Variants in TDRD6 observed in about 807,000 individuals in gnomAD.
TDRD6 encodes the protein tudor domain-containing protein 6.
Under a neutral mutation model 157.5 loss-of-function variants are expected in TDRD6, and 186 were observed. The observed-to-expected ratio is 1.18, with a 90% confidence interval of 1.05 to 1.33. The LOEUF (loss-of-function observed/expected upper bound fraction) is 1.33, where lower values mean the gene tolerates loss of function less well. TDRD6 is among the 40% of genes most tolerant of loss of function. The pLI is 0.00. For synonymous variants in TDRD6, 1,075 were observed against 945.2 expected, an observed-to-expected ratio of 1.14 and a Z score of -2.52; for missense variants, 3,066 against 2,508.0, an observed-to-expected ratio of 1.22 and a Z score of -4.75.
In TDRD6 at chr6:46,691,421, G is replaced by A; in HGVS notation, c.3293G>A (p.Cys1098Tyr). The change falls in exon 1 of 4, where the codon TGT (cysteine) becomes TAT (tyrosine). Residue 1098 changes from cysteine (C) to tyrosine (Y), a missense_variant. Coordinates refer to ENST00000316081, the MANE Select transcript of TDRD6 (RefSeq NM_001010870.3). ...VLLLPMQAVR[C>Y]SLSDIPDHIP... ...CTTTTGCCCATGCAAGCTGTCAGAT[G>A]TTCATTATCTGATATTCCTGATCAT... The A allele has an allele frequency of 6.2e-7, 1 of 1,614,062 alleles. No homozygotes were observed. Among genetic ancestry groups the A allele is most frequent in the Non-Finnish European group, 8.5e-7 (1 of 1,179,956 alleles).
rs574209668 is a variant in TDRD6 at position 46,690,279 on chromosome 6, A to G, written c.2151A>G (p.Thr717=). ...AAGCCAAGAGAGAGAATAAAACCAC[A>G]TCTGTTTCAAAAGCTTTGAGTGACA... is the stretch of plus-strand genomic sequence containing the variant. ...EQKAKRENKT[T]SVSKALSDTT... Residue 717 remains threonine, a synonymous_variant, in exon 1 of 4, where the codon ACA becomes ACG. Coordinates refer to ENST00000316081, the MANE Select transcript of TDRD6 (RefSeq NM_001010870.3). The G allele has an allele frequency of 1.1e-5, 18 of 1,613,658 alleles. No homozygotes were observed. The African/African-American group carries it at 1.6e-4, about 14-fold the overall frequency.
chr6:46,688,136 C>T lies in TDRD6; in HGVS notation c.8C>T (p.Ser3Leu), dbSNP rs757004214. 2.6e-6 allele frequency: 4 copies of T among 1,535,452 alleles called. No individual in the cohort carries two copies. Among genetic ancestry groups the T allele is most frequent in the African/African-American group, 1.4e-5 (1 of 71,470 alleles). MC[S>L]TPGMPAPGAS... ...CCGCGCCGCGCCGTCAAGATGTGCT[C>T]GACGCCCGGAATGCCGGCGCCGGGG... The change falls in exon 1 of 4, where the codon TCG (serine) becomes TTG (leucine). Residue 3 changes from serine (S) to leucine (L), a missense_variant. Transcript: ENST00000316081.
chr6:46,685,673 G>C (rs1271729688), upstream of TDRD6, among the ~76,000 whole-genome samples: 1 of 151,876 alleles, frequency 6.6e-6, no homozygotes, highest in Non-Finnish European at 1.5e-5. Flanking sequence ...GTAGATGATG[G>C]GTTGATGGGT....
In TDRD6 at chr6:46,690,165, A is replaced by G. The variant is rs762155973; in HGVS notation, c.2037A>G (p.Val679=). ...TTGAAACAAAGGAAAATATCCTGGT[A>G]AATGCCCACTCCCCAGGGCATGTTT... ...QEFETKENIL[V]NAHSPGHVSN... The change falls in exon 1 of 4, where the codon GTA becomes GTG. Residue 679 remains valine (V), a synonymous_variant. Transcript: ENST00000316081. 9 of 1,613,586 alleles carry G rather than the reference A, an allele frequency of 5.6e-6. No homozygotes were observed. The East Asian group carries it at 2.0e-4, about 36-fold the overall frequency.
In TDRD6 at chr6:46,703,239, G is replaced by A. The variant is rs1047460329; in HGVS notation, c.*1352G>A. ...CTGTGAAGCATTATCAGACTCTGAAGCCTAATGGAAATAGAATTATGAACC... is the reference window on the plus strand; with the variant it reads ...CTGTGAAGCATTATCAGACTCTGAAACCTAATGGAAATAGAATTATGAACC... On this transcript the variant is annotated 3_prime_UTR_variant, in exon 4 of 4. Transcript: ENST00000316081. 2 of 151,960 alleles carry A rather than the reference G, an allele frequency of 1.3e-5. No individual in the cohort carries two copies. Among genetic ancestry groups the A allele is most frequent in the East Asian group, 3.9e-4 (2 of 5,180 alleles). 9.4% of individuals were successfully genotyped at this position (151,960 alleles called of 1,614,324 possible).
rs1253640701 is a variant in TDRD6, at chr6:46,702,881, A to G, written c.*994A>G. On this transcript the variant is annotated 3_prime_UTR_variant, in exon 4 of 4. Coordinates refer to ENST00000316081, the MANE Select transcript of TDRD6 (RefSeq NM_001010870.3). ...TTTGATCTTCATCTGTAAAGTGGTG[A>G]TAATAAAACCTTTCTTGCAGTGTTT... 1 of 152,132 alleles carries G rather than the reference A, an allele frequency of 6.6e-6. No homozygotes were observed. Among genetic ancestry groups the G allele is most frequent in the Non-Finnish European group, 1.5e-5 (1 of 67,982 alleles). The allele number at this position is 152,132 out of a possible 1,614,324, so 9.4% of individuals were successfully genotyped here. A position where few individuals can be genotyped will look rare whatever the true frequency, so the allele number is the denominator to read the frequency against.
chr6:46,687,866 C>T (rs13196132), upstream of TDRD6: 153,876 of 437,574 alleles, frequency 0.35, 28,661 homozygotes, highest in South Asian at 0.6. Context: ...GAAGTGGCGG[C>T]GCCGAGTGAG....
At chr6:46,680,332 A>G in the TDRD6 span, among the ~76,000 whole-genome samples, 1 of 149,202 alleles carries the variant, frequency 6.7e-6, no homozygotes, top group Non-Finnish European at 1.5e-5. Flanking sequence ...CCGTGAAAGA[A>G]AAAAAAAAAA....
chr6:46,703,708 T>C lies in TDRD6; in HGVS notation c.*1821T>C, dbSNP rs971018648. On this transcript the variant is annotated 3_prime_UTR_variant, in exon 4 of 4. Transcript: ENST00000316081. ...TAATCGTGTTATTCTGTTTTACTAC[T>C]ACATATAGAATTGAAAACATTAAAT... The C allele has an allele frequency of 3.9e-5, 6 of 152,104 alleles. No homozygotes were observed. The highest frequency in any genetic ancestry group is 9.7e-5 in the African/African-American group (4 of 41,444). The allele number at this position is 152,104 out of a possible 1,614,324, so 9.4% of individuals were successfully genotyped here.
rs1764179738 is a variant in TDRD6 at position 46,688,419 on chromosome 6, C to T, written c.291C>T (p.Phe97=). Residue 97 remains phenylalanine, a synonymous_variant, in exon 1 of 4, where the codon TTC becomes TTT. Transcript: ENST00000316081. The part of the protein sequence containing the change: ...VSRQAQESRV[F]LLDEGRTITA... ...GGCAGGCACAGGAGAGCCGTGTCTTCCTGCTGGACGAGGGCCGCACCATCA... is the reference window on the plus strand; with the variant it reads ...GGCAGGCACAGGAGAGCCGTGTCTTTCTGCTGGACGAGGGCCGCACCATCA... 2 of 1,540,244 alleles carry T rather than the reference C, an allele frequency of 1.3e-6. No individual in the cohort carries two copies. The highest frequency in any genetic ancestry group is 1.7e-6 in the Non-Finnish European group (2 of 1,145,902).
At position 46,691,758 on chromosome 6, in the gene TDRD6, A is replaced by G; in HGVS notation, c.3630A>G (p.Glu1210=). Residue 1210 remains glutamate, a synonymous_variant, in exon 1 of 4, where the codon GAA becomes GAG. Coordinates refer to ENST00000316081, the MANE Select transcript of TDRD6 (RefSeq NM_001010870.3). The part of the protein sequence containing the change: ...GYKLPNKEIL[E]ESYKPQINSS... ...AGTTACCTAATAAAGAAATTTTGGA[A>G]GAGTCATATAAACCTCAGATCAACT... 6.3e-7 allele frequency: 1 copy of G among 1,592,548 alleles called. No homozygotes were observed. Among genetic ancestry groups the G allele is most frequent in the South Asian group, 1.2e-5 (1 of 86,796 alleles).
chr6:46,688,330 T>C lies in TDRD6; in HGVS notation c.202T>C (p.Ser68Pro), dbSNP rs1374669626. Residue 68 changes from serine to proline, a missense_variant, in exon 1 of 4, where the codon TCG becomes CCG. Transcript: ENST00000316081. Reference sequence around the variant, plus strand: ...GTGGGCGCTGGGCAGCGCCTCGGCCTCGCCCGGCGAGCTGTGCCTGGTGCA... The same window carrying C: ...GTGGGCGCTGGGCAGCGCCTCGGCCCCGCCCGGCGAGCTGTGCCTGGTGCA... ...GQWALGSASA[S>P]PGELCLVQVG... is the part of the protein sequence containing the mutation. The C allele has an allele frequency of 6.6e-7, 1 of 1,524,860 alleles. No individual in the cohort carries two copies. Among genetic ancestry groups the C allele is most frequent in the Non-Finnish European group, 8.8e-7 (1 of 1,141,038 alleles). 94.5% of individuals were successfully genotyped at this position (1,524,860 alleles called of 1,614,324 possible). A position where few individuals can be genotyped will look rare whatever the true frequency, so the allele number is the denominator to read the frequency against.
chr6:46,694,201 T>G, intron 1 of TDRD6, 27 bp downstream of exon 1: 1 of 34,386 alleles, frequency 2.9e-5, no homozygotes, highest in Non-Finnish European at 4.3e-5. Flanking sequence ...TCCTTTTTAC[T>G]TTTTTTTTTT....
Position 46,689,665 on chromosome 6 carries a change from T to G in TDRD6, c.1537T>G (p.Phe513Val). The change falls in exon 1 of 4, where the codon TTC becomes GTC. Residue 513 changes from phenylalanine (F) to valine (V), a missense_variant. Physicochemically the swap from Phe to Val is conservative, Grantham distance 50 (BLOSUM62 -1). Coordinates refer to ENST00000316081, the MANE Select transcript of TDRD6 (RefSeq NM_001010870.3). Reference protein sequence around the residue: ...WIRLRKHNVTFSKLMRRMCGF... With the variant: ...WIRLRKHNVTVSKLMRRMCGF... Reference sequence around the variant, plus strand: ...TAGGTTGAGGAAACACAATGTCACCTTCAGTAAGCTGATGAGGAGAATGTG... The same window carrying G: ...TAGGTTGAGGAAACACAATGTCACCGTCAGTAAGCTGATGAGGAGAATGTG... 2 of 1,614,214 alleles carry G rather than the reference T, an allele frequency of 1.2e-6. No individual in the cohort carries two copies. The highest frequency in any genetic ancestry group is 1.7e-6 in the Non-Finnish European group (2 of 1,180,026).
In TDRD6 at chr6:46,689,197, A is replaced by C; in HGVS notation, c.1069A>C (p.Ser357Arg). ...DYGRKELVSC[S>R]SLRYLLPEYF... ...TGGAAGGAAGGAGTTAGTGAGTTGC[A>C]GCAGCCTTCGGTACTTGCTGCCTGA... Residue 357 changes from serine to arginine, a missense_variant, in exon 1 of 4, where the codon AGC (serine) becomes CGC (arginine). Transcript: ENST00000316081. 1 of 1,614,222 alleles carries C rather than the reference A, an allele frequency of 6.2e-7. No homozygotes were observed. The highest frequency in any genetic ancestry group is 8.5e-7 in the Non-Finnish European group (1 of 1,180,034).
In TDRD6 at chr6:46,689,769, G is replaced by A; in HGVS notation, c.1641G>A (p.Trp547Ter). 1 of 1,614,218 alleles carries A rather than the reference G, an allele frequency of 6.2e-7. No homozygotes were observed. Among genetic ancestry groups the A allele is most frequent in the Non-Finnish European group, 8.5e-7 (1 of 1,180,044 alleles). Residue 547 changes from tryptophan (W) to a stop codon, truncating the protein, a stop_gained, in exon 1 of 4, where the codon TGG becomes TGA. Coordinates refer to ENST00000316081, the MANE Select transcript of TDRD6 (RefSeq NM_001010870.3). LOFTEE classifies it high-confidence loss of function. ...CTGATGACCTTTGCTGTGTCAAGTGGAAAGAAAATGGTTATTATAGGGCCA... is the reference window on the plus strand; with the variant it reads ...CTGATGACCTTTGCTGTGTCAAGTGAAAAGAAAATGGTTATTATAGGGCCA... Reference protein sequence around the residue: ...PEPDDLCCVKWKENGYYRAIV... With the variant: ...PEPDDLCCVK
Position 46,694,163 on chromosome 6 carries a change from A to C in TDRD6, c.6035A>C (p.Asp2012Ala), listed in dbSNP as rs147664901. The change falls in exon 1 of 4, where the codon GAT becomes GCT. Residue 2012 changes from aspartate (D) to alanine (A), a missense_variant. Transcript: ENST00000316081. ...DGSKHNNGLPDHISAQLQNTY... is the reference protein window; with the variant it reads ...DGSKHNNGLPAHISAQLQNTY... ...AGCAAGCACAATAATGGTTTACCAG[A>C]TCATATCTCAGGTATGTGAATTTTT... The C allele has an allele frequency of 6.5e-7, 1 of 1,532,360 alleles. No homozygotes were observed. The highest frequency in any genetic ancestry group is 8.7e-7 in the Non-Finnish European group (1 of 1,143,558). The allele number at this position is 1,532,360 out of a possible 1,614,324, so 94.9% of individuals were successfully genotyped here. A position where few individuals can be genotyped will look rare whatever the true frequency, so the allele number is the denominator to read the frequency against.
Position 46,693,912 on chromosome 6 carries a change from T to G in TDRD6, c.5784T>G (p.Ser1928Arg). The change falls in exon 1 of 4, where the codon AGT becomes AGG. Residue 1928 changes from serine (S) to arginine (R), a missense_variant. Ser to Arg is a moderately radical substitution (Grantham distance 110, BLOSUM62 -1). Coordinates refer to ENST00000316081, the MANE Select transcript of TDRD6 (RefSeq NM_001010870.3). ...TGGATCCTTTGTCTTTAGGAGTTAGTCAGAAAGCACAGGAATCCATGTGTA... is the reference window on the plus strand; with the variant it reads ...TGGATCCTTTGTCTTTAGGAGTTAGGCAGAAAGCACAGGAATCCATGTGTA... The part of the protein sequence containing the change: ...DKMDPLSLGV[S>R]QKAQESMCTE... 1 of 1,614,106 alleles carries G rather than the reference T, an allele frequency of 6.2e-7. No homozygotes were observed.
Position 46,694,006 on chromosome 6 carries a change from C to T in TDRD6, c.5878C>T (p.His1960Tyr). The stretch of plus-strand genomic sequence containing the variant: ...CCAGCGCAGGATGTCATTGCATCTA[C>T]ATGGAGCAGATTGTGATCCTAAAAC... ...DDQRRMSLHL[H>Y]GADCDPKTQN... Residue 1960 changes from histidine (H) to tyrosine (Y), a missense_variant, in exon 1 of 4, where the codon CAT becomes TAT. Physicochemically the swap from His to Tyr is moderately conservative, Grantham distance 83. Coordinates refer to ENST00000316081, the MANE Select transcript of TDRD6 (RefSeq NM_001010870.3). 1.2e-6 allele frequency: 2 copies of T among 1,613,884 alleles called. No individual in the cohort carries two copies. Among genetic ancestry groups the T allele is most frequent in the Non-Finnish European group, 8.5e-7 (1 of 1,179,956 alleles).
Sources: gnomAD v4.1 joint callset for allele counts (sites outside exome capture counted in the v4.1 genomes callset) on GRCh38, gnomAD v4.1.1 for gene constraint, MANE v1.5 for transcripts, NCBI Gene and HGNC (gene_info 2026-07-23, HGNC 2026-07-21) for gene names.